Variants in MYO16 observed in about 807,000 individuals in gnomAD.
MYO16 encodes myosin XVI, also known as unconventional myosin-XVI.
In MYO16, 94 loss-of-function variants were observed where a neutral mutation model predicts 205.3. That is an observed-to-expected ratio of 0.46 (90% CI 0.39 to 0.54). MYO16 has a LOEUF of 0.54. Among genes scored for constraint, MYO16 ranks in the 20% least tolerant of loss-of-function variants. MYO16 has a pLI of 0.00. For missense variants in MYO16, 2,315 were observed against 2,387.5 expected (o/e 0.97, Z 0.63); for synonymous variants, 988 against 954.0 (o/e 1.04, Z -0.66).
chr13:108,686,875 A>G (rs1344677959), intron 2 of MYO16, among the ~76,000 whole-genome samples: 1 of 152,160 alleles, frequency 6.6e-6, no homozygotes, highest in African/African-American at 2.4e-5. Flanking sequence ...AAAGTAGTTT[A>G]TTTGCTGTGA....
chr13:108,838,860 C>T (rs939132840), intron 9 of MYO16, among the ~76,000 whole-genome samples: 6 of 151,622 alleles, frequency 4.0e-5, no homozygotes, highest in Non-Finnish European at 5.9e-5. Context: ...TTCTTGGGAA[C>T]TCTATGAATG....
chr13:109,055,524 G>T lies in MYO16; in HGVS notation c.3264G>T (p.Gly1088=). 2 of 1,613,150 alleles carry T rather than the reference G, an allele frequency of 1.2e-6. No individual in the cohort carries two copies. Among genetic ancestry groups the T allele is most frequent in the Non-Finnish European group, 1.7e-6 (2 of 1,179,452 alleles). The change falls in exon 27 of 35, where the codon GGG becomes GGT. Residue 1088 remains glycine (G), a synonymous_variant. Coordinates refer to ENST00000457511, the MANE Select transcript of MYO16 (RefSeq NM_001198950.3). This position sits in a 1 kb window ranked among gnomAD's most constrained non-coding sequence, Gnocchi z 5.0. ...FYVSAQLQYI[G]VLEMVKIFRY... is the part of the protein sequence containing the mutation. Reference sequence around the variant, plus strand: ...TGTCTGCTCAGCTACAATATATTGGGGTCCTGGAGATGGTGAAGATCTTCC... The same window carrying T: ...TGTCTGCTCAGCTACAATATATTGGTGTCCTGGAGATGGTGAAGATCTTCC...
chr13:108,824,335 A>G (rs1876143542), intron 9 of MYO16, among the ~76,000 whole-genome samples: 1 of 152,120 alleles, frequency 6.6e-6, no homozygotes, highest in Non-Finnish European at 1.5e-5. Context: ...CATGATATAC[A>G]AGTTCATTGA....
chr13:108,927,886 C>T (rs1882081600), intron 16 of MYO16, among the ~76,000 whole-genome samples: 1 of 152,234 alleles, frequency 6.6e-6, no homozygotes, highest in African/African-American at 2.4e-5. Flanking sequence ...GTGCACCTGG[C>T]CTGGAGCCTG....
At chr13:108,572,374 G>GT in the MYO16 span, among the ~76,000 whole-genome samples, 1,831 of 152,040 alleles carry the variant, frequency 0.012, 79 homozygotes, top group East Asian at 0.12. Context: ...AATACAAGTG[G>GT]TTCTTGTTTT....
chr13:108,633,549 G>A lies in MYO16; in HGVS notation c.28+3677G>A, dbSNP rs541714196. ...CTGCACTGGCAGCTGATCAGATGGT[G>A]TCCATCCAGATCGAGGGTGGGTCTG... On this transcript the variant is annotated intron_variant, in intron 1 of 34. Coordinates refer to ENST00000457511, the MANE Select transcript of MYO16 (RefSeq NM_001198950.3). 2.0e-5 allele frequency among the ~76,000 whole-genome samples: 3 copies of A among 152,204 alleles called. No individual in the cohort carries two copies. In the South Asian group the frequency reaches 6.2e-4, roughly 32 times the overall value.
chr13:109,035,280 G>A (rs1469050949), intron 23 of MYO16, among the ~76,000 whole-genome samples: 1 of 151,956 alleles, frequency 6.6e-6, no homozygotes, highest in Non-Finnish European at 1.5e-5. Context: ...AAATAGCTTA[G>A]CCCTGAGTAT....
the MYO16 span, among the ~76,000 whole-genome samples, chr13:108,528,565 TCCTCTCCCCTCCCCTCC>T: frequency 1.5e-5 from 2 of 133,324 alleles, no homozygotes; most frequent in South Asian, 2.6e-4. Context: ...TCCTCTCCTC[TCCTCTCCCCTCCCCTCC>T]CCTTTCCCCT....
At chr13:108,555,581 CT>C in the MYO16 span, among the ~76,000 whole-genome samples, 1 of 152,120 alleles carries the variant, frequency 6.6e-6, no homozygotes, top group African/African-American at 2.4e-5. Flanking sequence ...ACATAGTTAT[CT>C]TTTTTTGTGT....
At chr13:109,041,358 A>T (rs1310386013) in intron 23 of MYO16, among the ~76,000 whole-genome samples, 1 of 152,254 alleles carries the variant, frequency 6.6e-6, no homozygotes, top group Non-Finnish European at 1.5e-5. Flanking sequence ...TTATAGATAT[A>T]AAGGTATAGA....
chr13:108,837,117 G>A (rs974695402), intron 9 of MYO16, among the ~76,000 whole-genome samples: 8 of 152,168 alleles, frequency 5.3e-5, no homozygotes, highest in Admixed American at 2.6e-4. Flanking sequence ...GGATCCAGTG[G>A]GAGGTAATTG....
intron 14 of MYO16, among the ~76,000 whole-genome samples, chr13:108,894,958 C>A (rs1435006793): frequency 1.3e-5 from 2 of 152,212 alleles, no homozygotes; most frequent in Non-Finnish European, 2.9e-5. Context: ...GGAACCTTCA[C>A]CAACTCTGGT....
At chr13:108,732,156 G>A (rs1205781777) in intron 4 of MYO16, among the ~76,000 whole-genome samples, 1 of 152,210 alleles carries the variant, frequency 6.6e-6, no homozygotes, top group Non-Finnish European at 1.5e-5. Flanking sequence ...GTGGAAGACT[G>A]TATGCTCCAT....
At chr13:108,525,127 G>A in the MYO16 span, among the ~76,000 whole-genome samples, 1 of 152,114 alleles carries the variant, frequency 6.6e-6, no homozygotes, top group Non-Finnish European at 1.5e-5. Context: ...CAGCGAGAAC[G>A]ACCATTCAAA....
chr13:108,556,689 A>T, the MYO16 span, among the ~76,000 whole-genome samples: 2 of 152,122 alleles, frequency 1.3e-5, no homozygotes, highest in African/African-American at 4.8e-5. Flanking sequence ...TTGGGTTCAT[A>T]TTTAAAAATC....
intron 2 of MYO16, among the ~76,000 whole-genome samples, chr13:108,669,486 C>T (rs971039072): frequency 1.1e-4 from 17 of 151,672 alleles, no homozygotes; most frequent in South Asian, 2.1e-4. Context: ...AGGGAACAGA[C>T]GTTAAGAGCT....
At chr13:109,023,686 C>A (rs1566468264) in intron 23 of MYO16, among the ~76,000 whole-genome samples, 1 of 118,900 alleles carries the variant, frequency 8.4e-6, no homozygotes, top group African/African-American at 3.2e-5. Context: ...TGTATATATA[C>A]ATATATATGT....
At chr13:108,551,892 T>C in the MYO16 span, among the ~76,000 whole-genome samples, 1 of 152,222 alleles carries the variant, frequency 6.6e-6, no homozygotes, top group Non-Finnish European at 1.5e-5. Flanking sequence ...GTTCCAGATG[T>C]TGAAAGACAG....
intron 27 of MYO16, among the ~76,000 whole-genome samples, chr13:109,079,308 C>T (rs545305477): frequency 1.3e-5 from 2 of 152,086 alleles, no homozygotes; most frequent in South Asian, 2.1e-4. Flanking sequence ...GAGGGCAAAT[C>T]GGAGACTATT....
Sources: gnomAD v4.1 joint callset for allele counts (sites outside exome capture counted in the v4.1 genomes callset) on GRCh38, gnomAD v4.1.1 for gene constraint, Gnocchi (gnomAD v3.1) non-coding constraint, MANE v1.5 for transcripts, NCBI Gene and HGNC (gene_info 2026-07-23, HGNC 2026-07-21) for gene names.